The following CTCFL variants were observed in gnomAD, a reference collection of about 807,000 sequenced individuals.
CTCFL encodes the protein transcriptional repressor CTCFL.
In CTCFL, 36 loss-of-function variants were observed where a neutral mutation model predicts 67.4. The observed-to-expected ratio is 0.53, with a 90% confidence interval of 0.41 to 0.71. The LOEUF (loss-of-function observed/expected upper bound fraction) is 0.71. Ranked by LOEUF, CTCFL falls within the 30% of genes least tolerant of loss-of-function variation. The pLI is 0.00. For missense variants in CTCFL, 786 were observed against 835.2 expected, an observed-to-expected ratio of 0.94 and a Z score of 0.73; for synonymous variants, 324 against 302.3, an observed-to-expected ratio of 1.07 and a Z score of -0.75.
At chr20:57,507,438 T>A (rs1208211027) in intron 9 of CTCFL, 1 of 626,524 alleles carries the variant, frequency 1.6e-6, no homozygotes, top group African/African-American at 1.8e-5. Context: ...CCTCAAGTTA[T>A]CCACCTGCCT....
chr20:57,519,564 C>T (rs772393239), intron 3 of CTCFL, among the ~76,000 whole-genome samples, 187 bp from the exon 4 acceptor site: 12 of 152,170 alleles, frequency 7.9e-5, no homozygotes, highest in African/African-American at 2.4e-4. Flanking sequence ...AATGCATTTT[C>T]GCTGTTTCAA....
At chr20:57,496,590 C>T (rs1230958079), downstream of CTCFL, among the ~76,000 whole-genome samples, 4 of 152,178 alleles carry the variant, frequency 2.6e-5, no homozygotes, top group Admixed American at 2.6e-4. Context: ...CCACTAAACA[C>T]TAACTCTCCA....
rs947014268 is a variant in CTCFL at position 57,523,069 on chromosome 20, C to A, written c.753G>T (p.Lys251Asn). The A allele has an allele frequency of 6.2e-7, 1 of 1,613,070 alleles. No homozygotes were observed. The highest frequency in any genetic ancestry group is 1.7e-5 in the Admixed American group (1 of 59,952). The change falls in exon 3 of 11, where the codon AAG (lysine) becomes AAT (asparagine). Residue 251 changes from lysine to asparagine, a missense_variant and splice_region_variant. Around this residue, in one of 3 missense-constraint regions of CTCFL, gnomAD observed 333 missense variants for 304.6 expected, o/e 1.09. Transcript: ENST00000243914. ...ATTCTATGAGATGAACTGGCCTACC[C>A]TTTGTCTTTCTTTGATTTTTTGTAG... ...AKSTKNQRKT[K>N]GAKGTFHCDV...
At chr20:57,514,865 A>C in intron 6 of CTCFL, 124 bp from the exon 7 acceptor site, 3 of 966,706 alleles carry the variant, frequency 3.1e-6, no homozygotes, top group Non-Finnish European at 1.5e-6. Flanking sequence ...TCACCGGACA[A>C]CCCCCAATTA....
intron 9 of CTCFL, among the ~76,000 whole-genome samples, chr20:57,505,884 A>G (rs2068181676): frequency 6.6e-6 from 1 of 152,242 alleles, no homozygotes; most frequent in South Asian, 2.1e-4. Context: ...AAAACTGGCA[A>G]CAGGTGTTGA....
Position 57,523,716 on chromosome 20 carries a change from T to C in CTCFL, c.490A>G (p.Ser164Gly), listed in dbSNP as rs2069583706. 2 of 1,613,400 alleles carry C rather than the reference T, an allele frequency of 1.2e-6. No homozygotes were observed. Among genetic ancestry groups the C allele is most frequent in the African/African-American group, 2.7e-5 (2 of 74,952 alleles). Residue 164 changes from serine to glycine, a missense_variant, in exon 2 of 11, where the codon AGT becomes GGT. By Grantham distance (56) the Ser-to-Gly change is moderately conservative. Coordinates refer to ENST00000243914, the MANE Select transcript of CTCFL (RefSeq NM_001386993.1). ...HALEENVMVASEDSKLAVSLA... is the reference protein window; with the variant it reads ...HALEENVMVAGEDSKLAVSLA... ...CTCACCGCTAACTTACTGTCTTCAC[T>C]GGCCACCATCACATTCTCCTCTAGA...
At chr20:57,509,114 C>T (rs1367141696) in intron 8 of CTCFL, among the ~76,000 whole-genome samples, 2 of 152,114 alleles carry the variant, frequency 1.3e-5, no homozygotes, top group Non-Finnish European at 2.9e-5. Context: ...AGTCCTCCTT[C>T]TATACAACTA....
At position 57,524,166 on chromosome 20, in the gene CTCFL, T is replaced by C; in HGVS notation, c.40A>G (p.Thr14Ala). ...ATCAACTCGAGTTCTTTGATCTTGGTGAATTGCTCAGAAAGGACAGAGATC... is the reference window on the plus strand; with the variant it reads ...ATCAACTCGAGTTCTTTGATCTTGGCGAATTGCTCAGAAAGGACAGAGATC... ...TEISVLSEQF[T>A]KIKELELMPE... The change falls in exon 2 of 11, where the codon ACC (threonine) becomes GCC (alanine). Residue 14 changes from threonine to alanine, a missense_variant. Physicochemically the swap from Thr to Ala is moderately conservative, Grantham distance 58. This residue lies in a region of CTCFL where 333 missense variants were observed against 304.6 expected (regional missense o/e 1.09). Transcript: ENST00000243914. 1.2e-6 allele frequency: 2 copies of C among 1,613,316 alleles called. No homozygotes were observed. The highest frequency in any genetic ancestry group is 1.7e-6 in the Non-Finnish European group (2 of 1,179,944).
intron 10 of CTCFL, among the ~76,000 whole-genome samples, chr20:57,501,427 G>T (rs1007379386): frequency 6.7e-6 from 1 of 148,974 alleles, no homozygotes; most frequent in Admixed American, 6.8e-5. Flanking sequence ...CATCTGGGGG[G>T]TGGGTTCCAG....
intron 10 of CTCFL, among the ~76,000 whole-genome samples, chr20:57,503,189 A>AATGCG (rs2068005847): frequency 6.6e-6 from 1 of 152,248 alleles, no homozygotes; most frequent in East Asian, 1.9e-4. Flanking sequence ...GCGACAGTCC[A>AATGCG]ATGCGATGGA....
At chr20:57,519,432 A>C (rs768324739) in intron 3 of CTCFL, 55 bp from the exon 4 acceptor site, 35 of 1,488,562 alleles carry the variant, frequency 2.4e-5, no homozygotes, top group Non-Finnish European at 3.3e-5. Flanking sequence ...CCATTTAAAT[A>C]CTTGAAAGTA....
chr20:57,498,287 G>T lies in CTCFL; in HGVS notation c.*263C>A, dbSNP rs182335197. The T allele has an allele frequency of 7.3e-5, 82 of 1,122,700 alleles. No homozygotes were observed. The Middle Eastern group carries it at 1.9e-3, about 26-fold the overall frequency. The allele number at this position is 1,122,700 out of a possible 1,614,324, so 69.5% of individuals were successfully genotyped here. On this transcript the variant is annotated 3_prime_UTR_variant, in exon 11 of 11. Coordinates refer to ENST00000243914, the MANE Select transcript of CTCFL (RefSeq NM_001386993.1). ...AAAACTTTTATAAAATACCTGCAAT[G>T]TTTCTTTGAAATATCCAGCTACAAA...
downstream of CTCFL, chr20:57,496,295 G>A (rs558217185): frequency 8.6e-6 from 6 of 694,554 alleles, no homozygotes; most frequent in African/African-American, 1.1e-4. Context: ...TGCCTTGATT[G>A]TAAGTTTCCT....
At chr20:57,505,279 G>A (rs995069140) in intron 9 of CTCFL, among the ~76,000 whole-genome samples, 28 of 151,444 alleles carry the variant, frequency 1.8e-4, no homozygotes, top group Non-Finnish European at 3.2e-4. Flanking sequence ...TTTTTGAGAC[G>A]GAGTCTTGCT....
chr20:57,516,186 C>T (rs56250949), intron 5 of CTCFL, among the ~76,000 whole-genome samples: 11 of 61,026 alleles, frequency 1.8e-4, no homozygotes, highest in African/African-American at 5.2e-4. Context: ...ATTTAGATTA[C>T]ACTGTAAAAG....
chr20:57,501,107 G>A (rs189048461), intron 10 of CTCFL, among the ~76,000 whole-genome samples: 102 of 152,300 alleles, frequency 6.7e-4, no homozygotes, highest in African/African-American at 2.2e-3. Context: ...CTATTCACTC[G>A]TTTATTCAAC....
At position 57,503,829 on chromosome 20, in the gene CTCFL, G is replaced by A. The variant is rs6015014; in HGVS notation, c.1675-228C>T. On this transcript the variant is annotated intron_variant, in intron 9 of 10. Coordinates refer to ENST00000243914, the MANE Select transcript of CTCFL (RefSeq NM_001386993.1). ...CACGTATGTAATCCCAGTACTTTAG[G>A]AGGCCCAGGAGGGAGGCTGAGGTGG... 4.8e-3 allele frequency among the ~76,000 whole-genome samples: 728 copies of A among 152,116 alleles called. 6 individuals carry two copies. The highest frequency in any genetic ancestry group is 0.016 in the African/African-American group (681 of 41,482).
At chr20:57,518,704 T>G (rs760652104) in intron 5 of CTCFL, 54 bp downstream of exon 5, 43 of 1,613,704 alleles carry the variant, frequency 2.7e-5, no homozygotes, top group Non-Finnish European at 3.5e-5. Flanking sequence ...GAGTAACTTG[T>G]ACAGCAGCCT....
At chr20:57,511,270 G>A (rs1372174100) in intron 8 of CTCFL, among the ~76,000 whole-genome samples, 1 of 152,044 alleles carries the variant, frequency 6.6e-6, no homozygotes, top group Non-Finnish European at 1.5e-5. Flanking sequence ...GAATTCCTGA[G>A]CTCAACAGTT....
Sources: allele counts gnomAD v4.1 joint callset (sites outside exome capture counted in the v4.1 genomes callset), GRCh38; gene constraint gnomAD v4.1.1; regional missense constraint gnomAD v4.1.1; transcripts MANE v1.5; gene names NCBI Gene and HGNC (gene_info 2026-07-23, HGNC 2026-07-21).